Variants in LRRC38 observed in about 807,000 individuals in gnomAD.
The protein encoded by LRRC38 is leucine rich repeat containing 38.
Under a neutral mutation model 16.4 loss-of-function variants are expected in LRRC38, and 5 were observed. The observed-to-expected ratio is 0.31, with a 90% CI of 0.16 to 0.64. The LOEUF is 0.64. Ranked by LOEUF, LRRC38 falls within the 30% of genes least tolerant of loss-of-function variation. The pLI is 0.80. For synonymous variants in LRRC38, 191 were observed against 190.2 expected, an observed-to-expected ratio of 1.00 and a Z score of -0.04; for missense variants, 341 against 401.8, an observed-to-expected ratio of 0.85 and a Z score of 1.29.
intron 1 of LRRC38, among the ~76,000 whole-genome samples, chr1:13,480,936 G>A (rs1638845966): frequency 6.6e-6 from 1 of 152,148 alleles, no homozygotes; most frequent in Non-Finnish European, 1.5e-5. Context: ...GAGATTAAAG[G>A]CGTGAGCCAC....
intron 1 of LRRC38, among the ~76,000 whole-genome samples, chr1:13,499,629 G>A (rs1639122521): frequency 6.6e-6 from 1 of 152,200 alleles, no homozygotes; most frequent in Admixed American, 6.5e-5. Flanking sequence ...ACAAAAGTGT[G>A]TACTGGATTT....
At chr1:13,493,985 C>G (rs1184598501) in intron 1 of LRRC38, among the ~76,000 whole-genome samples, 1 of 152,156 alleles carries the variant, frequency 6.6e-6, no homozygotes. Flanking sequence ...ATCACTTGAA[C>G]CCAGGAGGCG....
chr1:13,482,365 G>A (rs770965745), intron 1 of LRRC38, among the ~76,000 whole-genome samples: 8 of 151,856 alleles, frequency 5.3e-5, no homozygotes, highest in African/African-American at 1.2e-4. Flanking sequence ...TCGCCTGAAT[G>A]CAGGAGTTCA....
intron 1 of LRRC38, among the ~76,000 whole-genome samples, chr1:13,481,824 T>C (rs2100491979): frequency 1.4e-5 from 2 of 146,162 alleles, no homozygotes; most frequent in African/African-American, 5.1e-5. Context: ...TCTCTCTCTC[T>C]CTGCCATGTG....
chr1:13,505,435 C>T (rs1159483049), intron 1 of LRRC38, among the ~76,000 whole-genome samples: 2 of 152,154 alleles, frequency 1.3e-5, no homozygotes, highest in Admixed American at 6.5e-5. Flanking sequence ...CCAAAGCCAC[C>T]GAGGGGTATT....
intron 1 of LRRC38, among the ~76,000 whole-genome samples, chr1:13,477,407 G>A (rs1320554674): frequency 2.0e-5 from 3 of 152,172 alleles, no homozygotes; most frequent in African/African-American, 2.4e-5. Flanking sequence ...AGGATGAAAC[G>A]TCAGGGTAGA....
intron 1 of LRRC38, among the ~76,000 whole-genome samples, chr1:13,483,868 A>G (rs950781396): frequency 4.0e-5 from 6 of 148,358 alleles, no homozygotes; most frequent in African/African-American, 1.5e-4. Flanking sequence ...CTCCAGATAT[A>G]TGAGAAGGGT....
Position 13,509,213 on chromosome 1 carries a change from G to A in LRRC38, c.631+3750C>T, listed in dbSNP as rs79226086. 9.3e-3 allele frequency among the ~76,000 whole-genome samples: 1,421 copies of A among 152,226 alleles called. 20 individuals are homozygous for A. The highest frequency in any genetic ancestry group is 0.03 in the African/African-American group (1,265 of 41,530). ...CCTCCATGCGTCAAGGTTGTAGAGC[G>A]AGAGAATCAGCTCGAATCTCTTTCC... On this transcript the variant is annotated intron_variant, in intron 1 of 1. Coordinates refer to ENST00000376085, the MANE Select transcript of LRRC38 (RefSeq NM_001010847.2).
Position 13,513,281 on chromosome 1 carries a change from T to TGGCCGAG in LRRC38, c.306_312dup (p.Lys105LeufsTer32), listed in dbSNP as rs1268604130. 2.6e-6 allele frequency: 4 copies of TGGCCGAG among 1,550,364 alleles called. No homozygotes were observed. Among genetic ancestry groups the TGGCCGAG allele is most frequent in the Admixed American group, 3.9e-5 (2 of 50,966 alleles). On this transcript the variant is annotated frameshift_variant, in exon 1 of 2. Transcript: ENST00000376085. LOFTEE classifies it high-confidence loss of function. Reference sequence around the variant, plus strand: ...TAGCTGAGGTCGAGGAACACGAGCTTGGCCGAGCCGCTGAACGTGCCCTCC... The same window carrying TGGCCGAG: ...TAGCTGAGGTCGAGGAACACGAGCTTGGCCGAGGGCCGAGCCGCTGAACGTGCCCTCC...
chr1:13,495,894 C>A (rs1639074485), intron 1 of LRRC38, among the ~76,000 whole-genome samples: 1 of 152,144 alleles, frequency 6.6e-6, no homozygotes, highest in Non-Finnish European at 1.5e-5. Context: ...CAGGTGCCTG[C>A]AGACAGGCAC....
At chr1:13,512,930 C>A in intron 1 of LRRC38, 33 bp downstream of exon 1, 2 of 1,356,696 alleles carry the variant, frequency 1.5e-6, no homozygotes, top group South Asian at 1.3e-5. Context: ...TGCCCCCCTC[C>A]CTCCCTCCCC....
intron 1 of LRRC38, among the ~76,000 whole-genome samples, chr1:13,509,005 A>G (rs1020128980): frequency 2.6e-5 from 4 of 152,108 alleles, no homozygotes; most frequent in Admixed American, 6.5e-5. Context: ...TGTTATCTTC[A>G]GGGTCTGCCC....
chr1:13,486,461 A>T (rs902113288), intron 1 of LRRC38, among the ~76,000 whole-genome samples: 5 of 151,998 alleles, frequency 3.3e-5, no homozygotes, highest in African/African-American at 1.2e-4. Flanking sequence ...TCAACCCACT[A>T]TAGGAATCAC....
chr1:13,506,933 G>A (rs1022937176), intron 1 of LRRC38, among the ~76,000 whole-genome samples: 2 of 152,222 alleles, frequency 1.3e-5, no homozygotes, highest in African/African-American at 2.4e-5. Context: ...CTTGCCTGAT[G>A]TACCTACTGG....
At chr1:13,489,102 C>T (rs1235136425) in intron 1 of LRRC38, among the ~76,000 whole-genome samples, 1 of 152,156 alleles carries the variant, frequency 6.6e-6, no homozygotes, top group Non-Finnish European at 1.5e-5. Flanking sequence ...GCTACAACTT[C>T]CAGAGAAGGC....
rs1438386594 is a variant in LRRC38 at position 13,487,887 on chromosome 1, T to G, written c.632-11788A>C. Among the ~76,000 whole-genome samples, 1 of 152,120 alleles carries G rather than the reference T, an allele frequency of 6.6e-6. No individual in the cohort carries two copies. Among genetic ancestry groups the G allele is most frequent in the Non-Finnish European group, 1.5e-5 (1 of 68,030 alleles). ...AACAGGCTCTGGTAAGCGCTTTTTG[T>G]CATTAAAAATATTTTTTTGTTTTCT... On this transcript the variant is annotated intron_variant, in intron 1 of 1. Transcript: ENST00000376085. This position sits in a 1 kb window ranked among gnomAD's most constrained non-coding sequence, Gnocchi z 4.4.
Position 13,513,054 on chromosome 1 carries a change from G to A in LRRC38, c.540C>T (p.Ser180=). The part of the protein sequence containing the change: ...AALAALPALR[S]LRLDGNPWLC... ...GCCAGGGGTTCCCGTCCAGACGCAG[G>A]GAGCGCAGCGCGGGCAGCGCGGCCA... The change falls in exon 1 of 2, where the codon TCC becomes TCT. Residue 180 remains serine (S), a synonymous_variant. Transcript: ENST00000376085. The A allele has an allele frequency of 6.5e-7, 1 of 1,550,144 alleles. No homozygotes were observed. The highest frequency in any genetic ancestry group is 8.7e-7 in the Non-Finnish European group (1 of 1,146,742).
intron 1 of LRRC38, among the ~76,000 whole-genome samples, chr1:13,493,641 C>G (rs1639045151): frequency 6.6e-6 from 1 of 152,112 alleles, no homozygotes; most frequent in Non-Finnish European, 1.5e-5. Flanking sequence ...GGGAGGCAGG[C>G]AGGTCAGAGC....
intron 1 of LRRC38, among the ~76,000 whole-genome samples, chr1:13,478,132 G>A (rs1052964743): frequency 2.6e-5 from 4 of 152,124 alleles, no homozygotes; most frequent in Admixed American, 1.3e-4. Context: ...TTCAAATGAC[G>A]ACCATGATTT....
Sources: allele counts gnomAD v4.1 joint callset (sites outside exome capture counted in the v4.1 genomes callset), GRCh38; gene constraint gnomAD v4.1.1; non-coding constraint Gnocchi (gnomAD v3.1); transcripts MANE v1.5; gene names NCBI Gene and HGNC (gene_info 2026-07-23, HGNC 2026-07-21).